The following SNRPN variants were observed in gnomAD, a reference collection of about 807,000 sequenced individuals.
SNRPN encodes small nuclear ribonucleoprotein-associated protein N.
SNRPN carries 7 observed loss-of-function variants against 25.2 expected under a neutral mutation model. The observed-to-expected ratio is 0.28, with a 90% confidence interval of 0.16 to 0.52. The LOEUF (loss-of-function observed/expected upper bound fraction) is 0.52, where lower values mean the gene tolerates loss of function less well. SNRPN is among the 20% of genes least tolerant of loss of function. The pLI is 0.96. For missense variants in SNRPN, 196 were observed against 322.5 expected (o/e 0.61, Z 3.00); for synonymous variants, 124 against 110.6 (o/e 1.12, Z -0.76).
chr15:24,849,570 A>C (rs946507689), intron 2 of SNRPN: 4 of 152,204 alleles, frequency 2.6e-5, no homozygotes, highest in African/African-American at 9.7e-5. Context: ...CAGGTGTTAG[A>C]GTGTCAGCTA....
chr15:24,837,738 T>C (rs1056321510), intron 2 of SNRPN, among the ~76,000 whole-genome samples: 9 of 151,522 alleles, frequency 5.9e-5, no homozygotes, highest in African/African-American at 9.7e-5. Flanking sequence ...AAATTTTTTT[T>C]TTTTGAGTTG....
intron 1 of SNRPN, among the ~76,000 whole-genome samples, chr15:24,828,503 C>T (rs1360446160): frequency 1.3e-5 from 2 of 151,886 alleles, no homozygotes; most frequent in African/African-American, 2.4e-5. Flanking sequence ...GCTGAGATCG[C>T]GCCACTGCAC....
Position 24,949,833 on chromosome 15 carries a change from C to CTT in SNRPN, c.-390-12271_-390-12270dup, listed in dbSNP as rs892102485. Among the ~76,000 whole-genome samples the CTT allele has an allele frequency of 2.2e-3, 322 of 145,048 alleles. 1 individual carries two copies. The highest frequency in any genetic ancestry group is 7.5e-3 in the African/African-American group (299 of 39,864). On this transcript the variant is annotated intron_variant, in intron 3 of 11. Coordinates refer to the SNRPN transcript ENST00000400097. ...TGTTTCCTTTTTCTTTTCTTTCTTT[C>CTT]TTTTTTTTTTTGGAGAACGGGTCTC...
chr15:24,921,000 T>C (rs2059993970), intron 3 of SNRPN, among the ~76,000 whole-genome samples: 1 of 152,190 alleles, frequency 6.6e-6, no homozygotes, highest in African/African-American at 2.4e-5. Context: ...TGGAGGTGTA[T>C]GATATTTTCC....
chr15:24,890,496 G>A (rs2057584609), intron 2 of SNRPN, among the ~76,000 whole-genome samples: 1 of 152,088 alleles, frequency 6.6e-6, no homozygotes, highest in African/African-American at 2.4e-5. Context: ...CCAACATGGT[G>A]AAACCCCACC....
At chr15:24,833,975 G>C (rs150176768) in intron 2 of SNRPN, among the ~76,000 whole-genome samples, 3,052 of 152,110 alleles carry the variant, frequency 0.02, 118 homozygotes, top group African/African-American at 0.069. Context: ...GCCCAGGCTG[G>C]AGTGCAGTGG....
upstream of SNRPN, among the ~76,000 whole-genome samples, chr15:24,950,181 CTT>C (rs751256610): frequency 6.9e-6 from 1 of 144,352 alleles, no homozygotes; most frequent in Non-Finnish European, 1.5e-5. Context: ...CAGTTTTTAA[CTT>C]TTTTTTTTTT....
intron 3 of SNRPN, among the ~76,000 whole-genome samples, chr15:24,922,890 CT>C (rs71412618): frequency 7.1e-3 from 485 of 68,026 alleles, no homozygotes; most frequent in Non-Finnish European, 0.01. Context: ...TAGGCAGATC[CT>C]TTTTTTTTTT....
chr15:24,906,475 G>C (rs1437719088), intron 2 of SNRPN, among the ~76,000 whole-genome samples: 1 of 152,128 alleles, frequency 6.6e-6, no homozygotes, highest in African/African-American at 2.4e-5. Context: ...ATGTGTGATT[G>C]GAAAACAAAT....
At chr15:24,908,486 T>C (rs2058998883) in intron 2 of SNRPN, among the ~76,000 whole-genome samples, 2 of 152,078 alleles carry the variant, frequency 1.3e-5, no homozygotes, top group African/African-American at 4.8e-5. Flanking sequence ...AGAAAGAATA[T>C]GGACAGTAAA....
chr15:24,955,824 A>G (rs1403377083), intron 1 of SNRPN, among the ~76,000 whole-genome samples: 4 of 149,434 alleles, frequency 2.7e-5, no homozygotes, highest in South Asian at 2.1e-4. Flanking sequence ...TGGCGGCGGT[A>G]GGCATGGCGG....
At chr15:24,872,871 CAAAAAA>C (rs202062268) in intron 1 of SNRPN, among the ~76,000 whole-genome samples, 1 of 59,334 alleles carries the variant, frequency 1.7e-5, no homozygotes, top group Non-Finnish European at 3.5e-5. Flanking sequence ...GACTCCGTCT[CAAAAAA>C]AAAAAAAAAA....
At chr15:24,869,339 C>T (rs1254731924) in intron 1 of SNRPN, among the ~76,000 whole-genome samples, 1 of 152,268 alleles carries the variant, frequency 6.6e-6, no homozygotes, top group Admixed American at 6.5e-5. Context: ...TAATCCCTTA[C>T]ATTAGTGGGT....
intron 3 of SNRPN, among the ~76,000 whole-genome samples, chr15:24,922,460 A>G (rs1435554192): frequency 6.6e-6 from 1 of 152,190 alleles, no homozygotes; most frequent in Admixed American, 6.5e-5. Context: ...CTTTACAAAT[A>G]TATCATCTAA....
At chr15:24,826,879 C>G (rs57631797) in intron 1 of SNRPN, among the ~76,000 whole-genome samples, 2 of 151,956 alleles carry the variant, frequency 1.3e-5, no homozygotes, top group East Asian at 3.9e-4. Flanking sequence ...ATGAGAACAA[C>G]GTAGAGAGTA....
intron 3 of SNRPN, among the ~76,000 whole-genome samples, chr15:24,949,771 T>C (rs2062123400): frequency 6.6e-6 from 1 of 152,216 alleles, no homozygotes; most frequent in South Asian, 2.1e-4. Flanking sequence ...CATTCCTTTT[T>C]ATAGCAGAAT....
intron 3 of SNRPN, among the ~76,000 whole-genome samples, chr15:24,932,716 C>T (rs543179233): frequency 5.9e-5 from 9 of 151,482 alleles, no homozygotes; most frequent in African/African-American, 1.9e-4. Flanking sequence ...ATGACACAAT[C>T]TCGGCTCACT....
intron 2 of SNRPN, among the ~76,000 whole-genome samples, chr15:24,831,414 A>T (rs1475258654): frequency 6.6e-6 from 1 of 152,154 alleles, no homozygotes; most frequent in South Asian, 2.1e-4. Context: ...TTGAAGAATA[A>T]TATATATTGT....
intron 1 of SNRPN, among the ~76,000 whole-genome samples, chr15:24,885,689 A>G (rs753935675): frequency 2.0e-5 from 3 of 149,906 alleles, no homozygotes; most frequent in Admixed American, 6.7e-5. Context: ...GATGAGAACG[A>G]AGGATTTTCC....
Sources: allele counts gnomAD v4.1 joint callset (sites outside exome capture counted in the v4.1 genomes callset), GRCh38; gene constraint gnomAD v4.1.1; transcripts MANE v1.5; gene names NCBI Gene and HGNC (gene_info 2026-07-23, HGNC 2026-07-21).